The following SLC24A2 variants were observed in gnomAD, a reference collection of about 807,000 sequenced individuals.
SLC24A2 encodes sodium/potassium/calcium exchanger 2.
Under a neutral mutation model 62.0 loss-of-function variants are expected in SLC24A2, and 36 were observed. The observed-to-expected ratio is 0.58, with a 90% CI of 0.44 to 0.77. The LOEUF (loss-of-function observed/expected upper bound fraction) is 0.77. Ranked by LOEUF, SLC24A2 falls within the 30% of genes least tolerant of loss-of-function variation. The pLI is 0.00. For missense variants in SLC24A2, 846 were observed against 817.9 expected (o/e 1.03, Z -0.42); for synonymous variants, 358 against 294.0 (o/e 1.22, Z -2.23).
At chr9:20,013,459 C>A in the SLC24A2 span, among the ~76,000 whole-genome samples, 1 of 152,098 alleles carries the variant, frequency 6.6e-6, no homozygotes, top group African/African-American at 2.4e-5. Flanking sequence ...TATGAAACTA[C>A]TGGAAGAAAA....
intron 2 of SLC24A2, among the ~76,000 whole-genome samples, chr9:19,768,767 T>C (rs1243873586): frequency 6.6e-6 from 1 of 152,048 alleles, no homozygotes; most frequent in Non-Finnish European, 1.5e-5. Context: ...CCGTGGGTAA[T>C]TGAAACTGTG....
At chr9:20,022,457 C>T in the SLC24A2 span, among the ~76,000 whole-genome samples, 5 of 152,210 alleles carry the variant, frequency 3.3e-5, no homozygotes, top group Non-Finnish European at 7.3e-5. Context: ...TTACATCCAG[C>T]AAGTAGTAGA....
the SLC24A2 span, among the ~76,000 whole-genome samples, chr9:20,085,297 C>T: frequency 3.9e-5 from 6 of 152,162 alleles, no homozygotes; most frequent in African/African-American, 9.7e-5. Flanking sequence ...CTGCAGCTGG[C>T]CCCAAGGTCT....
At chr9:20,086,093 C>T in the SLC24A2 span, among the ~76,000 whole-genome samples, 1 of 152,176 alleles carries the variant, frequency 6.6e-6, no homozygotes, top group Non-Finnish European at 1.5e-5. Context: ...CACTGTTGCT[C>T]CTCCCTCTCA....
chr9:20,061,768 T>C, the SLC24A2 span, among the ~76,000 whole-genome samples: 4,947 of 152,158 alleles, frequency 0.033, 105 homozygotes, highest in South Asian at 0.081. Context: ...TGTACGGCCT[T>C]TGGTTAGTCA....
the SLC24A2 span, among the ~76,000 whole-genome samples, chr9:19,876,077 G>C: frequency 6.6e-5 from 10 of 152,050 alleles, no homozygotes; most frequent in Non-Finnish European, 1.3e-4. Context: ...AGTATTGTTA[G>C]GGCCAACAGA....
upstream of SLC24A2, among the ~76,000 whole-genome samples, chr9:19,793,859 T>G (rs1336095010): frequency 6.6e-6 from 1 of 152,210 alleles, no homozygotes; most frequent in African/African-American, 2.4e-5. Flanking sequence ...TCAAGGATAG[T>G]TGTCTACTTC....
chr9:19,743,071 A>T (rs1029443656), intron 2 of SLC24A2, among the ~76,000 whole-genome samples: 1 of 152,198 alleles, frequency 6.6e-6, no homozygotes, highest in Admixed American at 6.6e-5. Context: ...CCTAAGTCTG[A>T]AAAAACTGTT....
chr9:20,106,643 C>T, the SLC24A2 span, among the ~76,000 whole-genome samples: 1 of 152,148 alleles, frequency 6.6e-6, no homozygotes, highest in Non-Finnish European at 1.5e-5. Context: ...TGACAAAATT[C>T]AACAACCCTT....
chr9:20,000,895 G>A, the SLC24A2 span, among the ~76,000 whole-genome samples: 25 of 152,280 alleles, frequency 1.6e-4, no homozygotes, highest in Admixed American at 1.0e-3. Flanking sequence ...TGTGGAGGAC[G>A]GAAGGAGGCA....
chr9:19,944,711 T>C, the SLC24A2 span, among the ~76,000 whole-genome samples: 1 of 152,190 alleles, frequency 6.6e-6, no homozygotes, highest in Non-Finnish European at 1.5e-5. Flanking sequence ...AGGCATGATG[T>C]TCATTCCAGT....
intron 9 of SLC24A2, among the ~76,000 whole-genome samples, chr9:19,526,626 C>T (rs1316157305): frequency 6.6e-6 from 1 of 152,090 alleles, no homozygotes; most frequent in Non-Finnish European, 1.5e-5. Flanking sequence ...TTTTCTTGTG[C>T]TTTTTAGCCA....
intron 2 of SLC24A2, among the ~76,000 whole-genome samples, chr9:19,688,766 T>G (rs1275045751): frequency 6.6e-6 from 1 of 152,126 alleles, no homozygotes; most frequent in Admixed American, 6.6e-5. Context: ...CCAACATACA[T>G]GTCTTTCCCT....
chr9:19,955,385 T>A, the SLC24A2 span, among the ~76,000 whole-genome samples: 14 of 151,658 alleles, frequency 9.2e-5, no homozygotes, highest in Non-Finnish European at 1.5e-5. Context: ...AGGTTTTTTT[T>A]TTTTTTGTTT....
chr9:19,726,593 T>C (rs1030442579), intron 2 of SLC24A2, among the ~76,000 whole-genome samples: 2 of 152,220 alleles, frequency 1.3e-5, no homozygotes, highest in Admixed American at 6.5e-5. Flanking sequence ...GTATAAAATG[T>C]GATTTTGCTC....
chr9:20,212,145 T>A, the SLC24A2 span, among the ~76,000 whole-genome samples: 1 of 149,504 alleles, frequency 6.7e-6, no homozygotes, highest in African/African-American at 2.6e-5. Flanking sequence ...AAATATTAAA[T>A]GCATCTTCCC....
the SLC24A2 span, among the ~76,000 whole-genome samples, chr9:19,934,794 C>T: frequency 6.6e-6 from 1 of 152,040 alleles, no homozygotes; most frequent in Non-Finnish European, 1.5e-5. The surrounding 1 kb of genome is among the most constrained non-coding windows in gnomAD (Gnocchi z 4.1). Context: ...ACGAACCGAG[C>T]GGGGCGTGGC....
At chr9:20,019,376 C>A in the SLC24A2 span, among the ~76,000 whole-genome samples, 1 of 152,042 alleles carries the variant, frequency 6.6e-6, no homozygotes, top group African/African-American at 2.4e-5. Flanking sequence ...AGGAAGGGGT[C>A]CAGTTTCAGT....
Position 19,789,015 on chromosome 9 carries a change from C to A in SLC24A2, c.-284G>T. 1 of 933,464 alleles carries A rather than the reference C, an allele frequency of 1.1e-6. No individual in the cohort carries two copies. The allele number at this position is 933,464 out of a possible 1,614,324, so 57.8% of individuals were successfully genotyped here. A position where few individuals can be genotyped will look rare whatever the true frequency, so the allele number is the denominator to read the frequency against. ...CGCACTGGCTGCCGCTCTCGCCAGC[C>A]GGGCTGGGTTCGGGAGGAGACTGAG... On this transcript the variant is annotated 5_prime_UTR_variant, in exon 1 of 11. Transcript: ENST00000341998.
Sources: allele counts gnomAD v4.1 joint callset (sites outside exome capture counted in the v4.1 genomes callset), GRCh38; gene constraint gnomAD v4.1.1; non-coding constraint Gnocchi (gnomAD v3.1); transcripts MANE v1.5; gene names NCBI Gene and HGNC (gene_info 2026-07-23, HGNC 2026-07-21).